The following RNLS variants were observed in gnomAD, a reference collection of about 807,000 sequenced individuals.
RNLS encodes renalase, FAD dependent amine oxidase.
RNLS carries 39 observed loss-of-function variants against 39.8 expected under a neutral mutation model. That is an observed-to-expected ratio of 0.98 (90% CI 0.76 to 1.28). The LOEUF (loss-of-function observed/expected upper bound fraction) is 1.28. Ranked by LOEUF, RNLS falls within the 50% of genes most tolerant of loss-of-function variation. The pLI is 0.00. For synonymous variants in RNLS, 147 were observed against 150.7 expected, an observed-to-expected ratio of 0.98 and a Z score of 0.18; for missense variants, 410 against 413.3, an observed-to-expected ratio of 0.99 and a Z score of 0.07.
chr10:88,333,057 G>T (rs1847226782), intron 5 of RNLS, among the ~76,000 whole-genome samples: 1 of 152,136 alleles, frequency 6.6e-6, no homozygotes, highest in Non-Finnish European at 1.5e-5. Context: ...ACTTTAGGCT[G>T]CTTGTTGTTT....
intron 4 of RNLS, 29 bp downstream of exon 4, chr10:88,572,874 A>G: frequency 1.2e-6 from 2 of 1,607,278 alleles, no homozygotes; most frequent in South Asian, 2.2e-5. Context: ...CCATTCCCTG[A>G]GGCAGGTAAA....
At chr10:88,507,645 G>T (rs1845867299) in intron 4 of RNLS, among the ~76,000 whole-genome samples, 1 of 151,996 alleles carries the variant, frequency 6.6e-6, no homozygotes, top group Non-Finnish European at 1.5e-5. Flanking sequence ...ATTCACAAAG[G>T]ATTACCACTA....
At chr10:88,343,375 G>A (rs1050608539) in intron 5 of RNLS, 16 of 210,926 alleles carry the variant, frequency 7.6e-5, no homozygotes, top group African/African-American at 3.3e-4. Flanking sequence ...GGATGATTTC[G>A]GATTTTTGCC....
chr10:88,491,745 C>T (rs2576174), intron 4 of RNLS, among the ~76,000 whole-genome samples: 72,695 of 151,932 alleles, frequency 0.48, 18,020 homozygotes, highest in Middle Eastern at 0.57. Flanking sequence ...ACTATCCACA[C>T]ACCCAAGTAT....
At chr10:88,522,539 A>G (rs1846820961) in intron 4 of RNLS, among the ~76,000 whole-genome samples, 1 of 152,078 alleles carries the variant, frequency 6.6e-6, no homozygotes, top group Non-Finnish European at 1.5e-5. Flanking sequence ...TAATTTTAAA[A>G]CCAAGATTTA....
intron 4 of RNLS, among the ~76,000 whole-genome samples, chr10:88,554,036 T>A (rs920113821): frequency 1.3e-5 from 2 of 152,152 alleles, no homozygotes; most frequent in Non-Finnish European, 2.9e-5. Context: ...TTCCTTTTTT[T>A]ATAAAAATAT....
At chr10:88,214,181 T>C in the RNLS span, among the ~76,000 whole-genome samples, 1 of 152,176 alleles carries the variant, frequency 6.6e-6, no homozygotes, top group African/African-American at 2.4e-5. Context: ...AGTAAGTTTC[T>C]CTCTCCAAGA....
At chr10:88,184,542 G>T in the RNLS span, among the ~76,000 whole-genome samples, 2 of 152,044 alleles carry the variant, frequency 1.3e-5, no homozygotes, top group African/African-American at 4.8e-5. Context: ...AAATGACTGA[G>T]AAAAAGAACT....
At chr10:88,391,475 TTGAA>T in intron 4 of RNLS, among the ~76,000 whole-genome samples, 2 of 152,128 alleles carry the variant, frequency 1.3e-5, no homozygotes, top group Non-Finnish European at 2.9e-5. Context: ...GGAGAATTGC[TTGAA>T]CCCAGGAGGT....
intron 6 of RNLS, among the ~76,000 whole-genome samples, chr10:88,292,648 C>T (rs1476274579): frequency 1.3e-5 from 2 of 151,468 alleles, no homozygotes; most frequent in Non-Finnish European, 2.9e-5. Flanking sequence ...TATTACCTTC[C>T]TGCAGGTCAT....
intron 4 of RNLS, among the ~76,000 whole-genome samples, chr10:88,490,752 A>C (rs542654480): frequency 7.2e-5 from 11 of 152,248 alleles, no homozygotes; most frequent in African/African-American, 2.7e-4. Context: ...TCCTGAAGTG[A>C]CTACAGCTAC....
At position 88,284,209 on chromosome 10, in the gene RNLS, C is replaced by T; in HGVS notation, c.*1145G>A. The T allele has an allele frequency of 3.0e-6, 3 of 985,182 alleles. No homozygotes were observed. Among genetic ancestry groups the T allele is most frequent in the Non-Finnish European group, 3.6e-6 (3 of 829,790 alleles). 61.0% of individuals were successfully genotyped at this position (985,182 alleles called of 1,614,324 possible). ...GCTATAGAAGCAAGTTCTGCCTGTG[C>T]CTGTGTATGTGTATGTATGACAGTG... is the stretch of plus-strand genomic sequence containing the variant. On this transcript the variant is annotated 3_prime_UTR_variant, in exon 7 of 7. Coordinates refer to ENST00000331772, the MANE Select transcript of RNLS (RefSeq NM_001031709.3).
chr10:88,513,138 A>G (rs1488632720), intron 4 of RNLS, among the ~76,000 whole-genome samples: 1 of 152,082 alleles, frequency 6.6e-6, no homozygotes, highest in Non-Finnish European at 1.5e-5. Flanking sequence ...AAGTTCTCCT[A>G]CCAGAGGCTA....
the RNLS span, among the ~76,000 whole-genome samples, chr10:88,210,025 T>C: frequency 6.6e-6 from 1 of 152,234 alleles, no homozygotes; most frequent in Non-Finnish European, 1.5e-5. Context: ...CCAAAAATGT[T>C]TGTGCAATAG....
chr10:88,266,735 AC>A, the RNLS span, among the ~76,000 whole-genome samples: 4 of 137,276 alleles, frequency 2.9e-5, no homozygotes, highest in East Asian at 4.2e-4. Context: ...ACACACACAC[AC>A]CCCACACACA....
chr10:88,515,273 T>C (rs1296698954), intron 4 of RNLS, among the ~76,000 whole-genome samples: 1 of 152,100 alleles, frequency 6.6e-6, no homozygotes, highest in Non-Finnish European at 1.5e-5. Context: ...TATTTGTAAA[T>C]GGTACCAAAT....
chr10:88,363,475 A>T (rs1849797061), intron 4 of RNLS, among the ~76,000 whole-genome samples: 1 of 152,146 alleles, frequency 6.6e-6, no homozygotes, highest in African/African-American at 2.4e-5. Context: ...TCCATGTCAT[A>T]GAGTGATTTG....
At chr10:88,281,225 T>A (rs1007431153), downstream of RNLS, among the ~76,000 whole-genome samples, 1 of 152,198 alleles carries the variant, frequency 6.6e-6, no homozygotes, top group Non-Finnish European at 1.5e-5. Flanking sequence ...TAAGAACTTA[T>A]TTGTGCTGAG....
At chr10:88,231,337 G>A in the RNLS span, among the ~76,000 whole-genome samples, 4 of 152,222 alleles carry the variant, frequency 2.6e-5, no homozygotes, top group African/African-American at 9.6e-5. Flanking sequence ...GAAGGTGGCC[G>A]TCTGCAAGCC....
Sources: gnomAD v4.1 joint callset for allele counts (sites outside exome capture counted in the v4.1 genomes callset) on GRCh38, gnomAD v4.1.1 for gene constraint, MANE v1.5 for transcripts, NCBI Gene and HGNC (gene_info 2026-07-23, HGNC 2026-07-21) for gene names.